Variants in ASB11 observed in about 807,000 individuals in gnomAD.
The protein encoded by ASB11 is ankyrin repeat and SOCS box protein 11.
Under a neutral mutation model 20.1 loss-of-function variants are expected in ASB11, and 17 were observed. That is an observed-to-expected ratio of 0.85 (90% CI 0.58 to 1.27). The LOEUF is 1.27. Among genes scored for constraint, ASB11 ranks in the 50% most tolerant of loss-of-function variants. The probability of loss-of-function intolerance (pLI) is 0.00; values close to 1 mark genes in which losing one functional copy is unlikely to be tolerated. For synonymous variants in ASB11, 107 were observed against 105.6 expected, an observed-to-expected ratio of 1.01 and a Z score of -0.08; for missense variants, 259 against 256.9, an observed-to-expected ratio of 1.01 and a Z score of -0.06.
At position 15,282,947 on chromosome X, in the gene ASB11, T is replaced by C. The variant is rs1293033279; in HGVS notation, c.*558A>G. On this transcript the variant is annotated 3_prime_UTR_variant, in exon 7 of 7. Coordinates refer to ENST00000480796, the MANE Select transcript of ASB11 (RefSeq NM_080873.3). The stretch of plus-strand genomic sequence containing the variant: ...AAGGACTTTGAAAACATTAAATATA[T>C]GAGTGCATGTGTGTGTGTGTATATA... 1 of 104,737 alleles carries C rather than the reference T, an allele frequency of 9.5e-6. No individual in the cohort carries two copies. The highest frequency in any genetic ancestry group is 1.9e-5 in the Non-Finnish European group (1 of 51,756). The allele number at this position is 104,737 out of a possible 1,213,427, so 8.6% of individuals were successfully genotyped here.
chrX:15,285,186 G>C (rs776990875), intron 6 of ASB11, among the ~76,000 whole-genome samples: 1 of 100,359 alleles, frequency 1.0e-5, no homozygotes, highest in South Asian at 4.8e-4. Context: ...CGGTCGCCCA[G>C]GCTGAAATGC....
chrX:15,284,126 C>G (rs961968632), intron 6 of ASB11, among the ~76,000 whole-genome samples: 3 of 106,767 alleles, frequency 2.8e-5, no homozygotes, highest in Non-Finnish European at 3.8e-5. Flanking sequence ...GTGGCGGGTG[C>G]CTATAGTCCC....
intron 5 of ASB11, among the ~76,000 whole-genome samples, 192 bp downstream of exon 5, chrX:15,289,312 A>G (rs1472289044): frequency 4.4e-5 from 5 of 112,688 alleles, no homozygotes; most frequent in African/African-American, 1.6e-4. Flanking sequence ...TACCAGGTAA[A>G]TGGAGTTAAC....
chrX:15,309,967 C>CAAAAAAAAAAAAAAAAAAAAA (rs60765469), intron 1 of ASB11, among the ~76,000 whole-genome samples: 7 of 15,520 alleles, frequency 4.5e-4, no homozygotes, highest in Admixed American at 8.2e-4. Context: ...GACTCCGTCT[C>CAAAAAAAAAAAAAAAAAAAAA]AAAAAAAAAA....
intron 2 of ASB11, among the ~76,000 whole-genome samples, chrX:15,301,864 G>A (rs1921079036): frequency 8.9e-6 from 1 of 111,925 alleles, no homozygotes; most frequent in Non-Finnish European, 1.9e-5. Context: ...TTTAATGCTT[G>A]TTCTTAAAAT....
intron 2 of ASB11, among the ~76,000 whole-genome samples, chrX:15,301,183 G>A (rs906891074): frequency 9.0e-6 from 1 of 110,828 alleles, no homozygotes. Context: ...GGCTGGTCTC[G>A]AACTCCTGAC....
intron 6 of ASB11, among the ~76,000 whole-genome samples, chrX:15,285,222 A>G (rs1256807561): frequency 9.6e-6 from 1 of 104,553 alleles, no homozygotes; most frequent in African/African-American, 3.5e-5. Context: ...GCTCACTCCA[A>G]CCTCTGCCTC....
Position 15,281,932 on chromosome X carries a change from G to A in ASB11, c.*1573C>T, listed in dbSNP as rs746582687. The A allele has an allele frequency of 2.7e-5, 3 of 111,523 alleles. No homozygotes were observed. In the Admixed American group the frequency reaches 2.9e-4, roughly 11 times the overall value. The allele number at this position is 111,523 out of a possible 1,213,427, so 9.2% of individuals were successfully genotyped here. ...AGGCGGTTCTCGAACTCCTGACAGT[G>A]CGATCTGCCTGCCTCGGCCTCCCAA... On this transcript the variant is annotated 3_prime_UTR_variant, in exon 7 of 7. Transcript: ENST00000480796.
At chrX:15,302,690 A>G in intron 2 of ASB11, 38 bp downstream of exon 2, 1 of 1,129,659 alleles carries the variant, frequency 8.9e-7, no homozygotes, top group Non-Finnish European at 1.2e-6. Context: ...GTGTAATTAT[A>G]GCATAAGCAT....
At chrX:15,298,579 A>G (rs972767991) in intron 2 of ASB11, among the ~76,000 whole-genome samples, 9 of 111,360 alleles carry the variant, frequency 8.1e-5, no homozygotes, top group Non-Finnish European at 1.7e-4. Context: ...CCTTTTTAGA[A>G]GCTTACTGGT....
rs536473916 is a variant in ASB11, at chrX:15,310,095, G to C, written c.181+5330C>G. On this transcript the variant is annotated intron_variant, in intron 1 of 6. Coordinates refer to ENST00000480796, the MANE Select transcript of ASB11 (RefSeq NM_080873.3). ...GAACTTGCTTCAAAGGACCTTCAAG[G>C]GTTTTCACACAGAACCCTTTTCCAG... 1.7e-4 allele frequency among the ~76,000 whole-genome samples: 19 copies of C among 110,056 alleles called. 1 individual carries two copies. The South Asian group carries it at 7.5e-3, about 44-fold the overall frequency.
chrX:15,315,504 G>A lies in ASB11; in HGVS notation c.102C>T (p.Leu34=), dbSNP rs142097387. The change falls in exon 1 of 7, where the codon CTC becomes CTT. Residue 34 remains leucine, a synonymous_variant. Coordinates refer to ENST00000480796, the MANE Select transcript of ASB11 (RefSeq NM_080873.3). ...FKLLIKVFLA[L]LTHFYIVKGN... Reference sequence around the variant, plus strand: ...CTTTGACGATATAGAAATGGGTTAGGAGAGCCAAAAAAACTTTAATTAAAA... The same window carrying A: ...CTTTGACGATATAGAAATGGGTTAGAAGAGCCAAAAAAACTTTAATTAAAA... 2.5e-6 allele frequency: 3 copies of A among 1,191,267 alleles called. No homozygotes were observed. The African/African-American group carries it at 5.4e-5, about 21-fold the overall frequency.
At chrX:15,297,366 G>C (rs1920976338) in intron 3 of ASB11, among the ~76,000 whole-genome samples, 1 of 111,970 alleles carries the variant, frequency 8.9e-6, no homozygotes, top group Non-Finnish European at 1.9e-5. Context: ...AGTTTTAAAA[G>C]GTTCCTGTGA....
At chrX:15,297,406 G>T (rs752884454) in intron 3 of ASB11, among the ~76,000 whole-genome samples, 168 bp downstream of exon 3, 1 of 112,037 alleles carries the variant, frequency 8.9e-6, no homozygotes. Context: ...TACACACAGG[G>T]GGGTAAGTTG....
intron 5 of ASB11, among the ~76,000 whole-genome samples, chrX:15,289,112 TA>T (rs1023655709): frequency 8.9e-6 from 1 of 112,241 alleles, no homozygotes; most frequent in African/African-American, 3.2e-5. Flanking sequence ...TGAAGCCTAA[TA>T]AATGCAGAGT....
Position 15,283,512 on chromosome X carries a change from T to C in ASB11, c.965A>G (p.Tyr322Cys), listed in dbSNP as rs751292804. 1.3e-5 allele frequency: 16 copies of C among 1,208,611 alleles called. No homozygotes were observed. Among genetic ancestry groups the C allele is most frequent in the Middle Eastern group, 4.6e-4 (2 of 4,371 alleles). ...TCCCAGGAACACTTAGGACTATTGGTATAGGAGGAATCGTTCGAGTGGCTC... is the reference window on the plus strand; with the variant it reads ...TCCCAGGAACACTTAGGACTATTGGCATAGGAGGAATCGTTCGAGTGGCTC... ...LPEPLERFLL[Y>C]Q Residue 322 changes from tyrosine (Y) to cysteine (C), a missense_variant, in exon 7 of 7, where the codon TAC becomes TGC. Coordinates refer to ENST00000480796, the MANE Select transcript of ASB11 (RefSeq NM_080873.3).
At chrX:15,301,540 G>A (rs5935939) in intron 2 of ASB11, among the ~76,000 whole-genome samples, 42,767 of 109,080 alleles carry the variant, frequency 0.39, 5,922 homozygotes, top group South Asian at 0.58. Flanking sequence ...GAGAGAGAGA[G>A]AGAAAGAAAA....
At chrX:15,296,609 G>T (rs1199175750) in intron 3 of ASB11, among the ~76,000 whole-genome samples, 1 of 111,960 alleles carries the variant, frequency 8.9e-6, no homozygotes, top group Admixed American at 9.5e-5. Context: ...ATAAGATAAA[G>T]TTCAATTCTG....
intron 1 of ASB11, among the ~76,000 whole-genome samples, chrX:15,311,108 G>T (rs932655260): frequency 8.9e-6 from 1 of 112,738 alleles, no homozygotes; most frequent in Non-Finnish European, 1.9e-5. Context: ...CAGAATTAAT[G>T]GTATTTTATG....
Sources: allele counts gnomAD v4.1 joint callset (sites outside exome capture counted in the v4.1 genomes callset), GRCh38; gene constraint gnomAD v4.1.1; transcripts MANE v1.5; gene names NCBI Gene and HGNC (gene_info 2026-07-23, HGNC 2026-07-21).